KPNA5: variants seen among roughly 807,000 people sequenced by gnomAD.
KPNA5 encodes karyopherin subunit alpha 5.
A neutral mutation model predicts 71.3 loss-of-function variants in KPNA5; 46 were observed. The ratio of observed to expected loss-of-function variants is 0.65; its 90% CI spans 0.51 to 0.83. KPNA5 has a LOEUF of 0.83. Ranked by LOEUF, KPNA5 falls within the 40% of genes least tolerant of loss-of-function variation. The probability of loss-of-function intolerance (pLI) is 0.00; values close to 1 mark genes in which losing one functional copy is unlikely to be tolerated. For synonymous variants in KPNA5, 207 were observed against 201.4 expected, an observed-to-expected ratio of 1.03 and a Z score of -0.24; for missense variants, 547 against 628.3, an observed-to-expected ratio of 0.87 and a Z score of 1.38.
chr6:116,734,171 TTG>T lies in KPNA5; in HGVS notation c.*1851_*1852del, dbSNP rs951048597. 5 of 151,884 alleles carry T rather than the reference TTG, an allele frequency of 3.3e-5. No homozygotes were observed. Among genetic ancestry groups the T allele is most frequent in the African/African-American group, 9.6e-5 (4 of 41,536 alleles). The allele number at this position is 151,884 out of a possible 1,614,324, so 9.4% of individuals were successfully genotyped here. A position where few individuals can be genotyped will look rare whatever the true frequency, so the allele number is the denominator to read the frequency against. On this transcript the variant is annotated 3_prime_UTR_variant, in exon 14 of 14. Transcript: ENST00000368564. ...TGGTGAATTTATCAGATTAACCTTT[TTG>T]TGGTGCAGATGGTTCTAAGTATCAG... is the stretch of plus-strand genomic sequence containing the variant.
intron 4 of KPNA5, among the ~76,000 whole-genome samples, chr6:116,693,414 T>C (rs1257337285): frequency 6.6e-6 from 1 of 152,234 alleles, no homozygotes; most frequent in Non-Finnish European, 1.5e-5. Flanking sequence ...CCTAACTTTT[T>C]AATGATCGCC....
intron 8 of KPNA5, among the ~76,000 whole-genome samples, chr6:116,718,396 G>A (rs1295555508): frequency 6.6e-6 from 1 of 151,372 alleles, no homozygotes; most frequent in African/African-American, 2.4e-5. Context: ...TTGAGTAGCT[G>A]GGATTACAGG....
chr6:116,706,760 C>T (rs893784242), intron 7 of KPNA5, among the ~76,000 whole-genome samples: 3 of 151,838 alleles, frequency 2.0e-5, no homozygotes, highest in Admixed American at 6.6e-5. Flanking sequence ...TATAAAACTT[C>T]GTCTTAGAAA....
intron 6 of KPNA5, among the ~76,000 whole-genome samples, chr6:116,702,727 G>T (rs1391211413): frequency 6.6e-6 from 1 of 152,158 alleles, no homozygotes; most frequent in African/African-American, 2.4e-5. Context: ...CACAACGAAT[G>T]GCAGAGCCGG....
chr6:116,681,375 C>G (rs1279857227), intron 1 of KPNA5, 37 bp downstream of exon 1: 1 of 1,560,736 alleles, frequency 6.4e-7, no homozygotes, highest in Non-Finnish European at 8.7e-7. Context: ...TTGGGGGAGC[C>G]TCGGTTTTGG....
chr6:116,726,430 T>C (rs997349685), intron 11 of KPNA5, 65 bp from the exon 12 acceptor site: 28 of 1,333,516 alleles, frequency 2.1e-5, no homozygotes, highest in Non-Finnish European at 2.8e-5. Flanking sequence ...AGTTTCAAGA[T>C]TTTTTTTACT....
At position 116,724,307 on chromosome 6, in the gene KPNA5, T is replaced by G; in HGVS notation, c.931T>G (p.Tyr311Asp). The stretch of plus-strand genomic sequence containing the variant: ...TTTTATTATTTTTAGGCACAATGAT[T>G]ATAAAGTTGTATCACCTGCATTAAG... ...RLVELLMHNDYKVVSPALRAV... is the reference protein window; with the variant it reads ...RLVELLMHNDDKVVSPALRAV... The change falls in exon 10 of 14, where the codon TAT becomes GAT. Residue 311 changes from tyrosine (Y) to aspartate (D), a missense_variant. Transcript: ENST00000368564. The G allele has an allele frequency of 6.2e-6, 10 of 1,604,708 alleles. No individual in the cohort carries two copies. Among genetic ancestry groups the G allele is most frequent in the Non-Finnish European group, 7.7e-6 (9 of 1,172,228 alleles).
At chr6:116,724,201 G>A in intron 9 of KPNA5, 96 bp from the exon 10 acceptor site, 5 of 689,620 alleles carry the variant, frequency 7.3e-6, no homozygotes, top group Non-Finnish European at 1.3e-5. Context: ...GGGATCTTTG[G>A]CTGAACACCC....
intron 7 of KPNA5, among the ~76,000 whole-genome samples, chr6:116,715,678 G>T (rs1778858664): frequency 1.3e-5 from 2 of 152,074 alleles, no homozygotes; most frequent in African/African-American, 4.8e-5. Context: ...AGCACTTTGG[G>T]AGCCTGAGGC....
At chr6:116,683,111 A>G (rs1056354373) in intron 1 of KPNA5, among the ~76,000 whole-genome samples, 2 of 152,242 alleles carry the variant, frequency 1.3e-5, no homozygotes, top group African/African-American at 4.8e-5. Flanking sequence ...GTGGTGGGGC[A>G]CAAGGTGATC....
In KPNA5 at chr6:116,681,327, C is replaced by G. The variant is rs1434559369; in HGVS notation, c.-8C>G. 6.2e-7 allele frequency: 1 copy of G among 1,606,356 alleles called. No individual in the cohort carries two copies. Among genetic ancestry groups the G allele is most frequent in the African/African-American group, 1.3e-5 (1 of 74,404 alleles). ...TGGGAAATCAGGGCATCGGAGAGTG[C>G]CACATTAATGGGTAAGTTGGAGTGA... On this transcript the variant is annotated 5_prime_UTR_variant, in exon 1 of 14. Coordinates refer to ENST00000368564, the MANE Select transcript of KPNA5 (RefSeq NM_001366306.2).
At position 116,741,789 on chromosome 6, in the gene KPNA5, A is replaced by AT. The variant is rs1015038640; in HGVS notation, c.*9473dup. ...AATGATTTAACTGAAGGGAAGCAAG[A>AT]TTTTTTTAAAGCATTGTTCTTAATC... is the stretch of plus-strand genomic sequence containing the variant. On this transcript the variant is annotated 3_prime_UTR_variant, in exon 14 of 14. Transcript: ENST00000368564. The AT allele has an allele frequency of 3.9e-5, 6 of 152,192 alleles. No individual in the cohort carries two copies. The highest frequency in any genetic ancestry group is 1.2e-4 in the African/African-American group (5 of 41,470). The allele number at this position is 152,192 out of a possible 1,614,324, so 9.4% of individuals were successfully genotyped here.
Position 116,737,975 on chromosome 6 carries a change from A to G in KPNA5, c.*5652A>G, listed in dbSNP as rs1288936260. 1.3e-5 allele frequency: 2 copies of G among 151,976 alleles called. No homozygotes were observed. Among genetic ancestry groups the G allele is most frequent in the Non-Finnish European group, 2.9e-5 (2 of 67,938 alleles). 9.4% of individuals were successfully genotyped at this position (151,976 alleles called of 1,614,324 possible). On this transcript the variant is annotated 3_prime_UTR_variant, in exon 14 of 14. Coordinates refer to ENST00000368564, the MANE Select transcript of KPNA5 (RefSeq NM_001366306.2). ...AAACATTTAAGGTTGTTAAATGTTT[A>G]ATTTGGGAAGGCTAAAAATTTACCT...
Position 116,732,220 on chromosome 6 carries a change from G to A in KPNA5, c.1517G>A (p.Gly506Asp). Residue 506 changes from glycine to aspartate, a missense_variant, in exon 14 of 14, where the codon GGT becomes GAT. By Grantham distance (94) the Gly-to-Asp change is moderately conservative. Coordinates refer to ENST00000368564, the MANE Select transcript of KPNA5 (RefSeq NM_001366306.2). ...KAFDLIEHYF[G>D]VEEDDPSIVP... The stretch of plus-strand genomic sequence containing the variant: ...TTTGATCTGATTGAACATTACTTTG[G>A]TGTAGAAGAAGATGACCCCAGCATT... 8 of 1,591,982 alleles carry A rather than the reference G, an allele frequency of 5.0e-6. No homozygotes were observed. The highest frequency in any genetic ancestry group is 6.8e-6 in the Non-Finnish European group (8 of 1,169,328).
chr6:116,702,458 A>G (rs1027101136), intron 6 of KPNA5, among the ~76,000 whole-genome samples: 3 of 152,116 alleles, frequency 2.0e-5, no homozygotes, highest in Admixed American at 6.5e-5. Flanking sequence ...TGAGGCAAGC[A>G]GATCACTTGA....
intron 7 of KPNA5, among the ~76,000 whole-genome samples, chr6:116,712,601 T>C (rs779520764): frequency 6.6e-6 from 1 of 152,192 alleles, no homozygotes; most frequent in Non-Finnish European, 1.5e-5. Flanking sequence ...TAACTACTGA[T>C]AAATGGGGAC....
intron 4 of KPNA5, among the ~76,000 whole-genome samples, chr6:116,695,874 T>A (rs1471174409): frequency 6.6e-6 from 1 of 152,190 alleles, no homozygotes; most frequent in Non-Finnish European, 1.5e-5. Context: ...TTCTTTAGAT[T>A]TAAGAGTTTT....
At chr6:116,683,437 C>T (rs1777436880) in intron 1 of KPNA5, among the ~76,000 whole-genome samples, 1 of 152,064 alleles carries the variant, frequency 6.6e-6, no homozygotes, top group Admixed American at 6.5e-5. Flanking sequence ...AATTCAACAA[C>T]TAATACTGTG....
At chr6:116,687,792 C>T (rs1297257537) in intron 1 of KPNA5, among the ~76,000 whole-genome samples, 1 of 152,172 alleles carries the variant, frequency 6.6e-6, no homozygotes, top group Non-Finnish European at 1.5e-5. Context: ...TTTCTAGAAT[C>T]CAACTTGTCT....
Sources: allele counts gnomAD v4.1 joint callset (sites outside exome capture counted in the v4.1 genomes callset), GRCh38; gene constraint gnomAD v4.1.1; transcripts MANE v1.5; gene names NCBI Gene and HGNC (gene_info 2026-07-23, HGNC 2026-07-21).